Variants in STAG2 observed in about 807,000 individuals in gnomAD.
STAG2 encodes the protein STAG2 cohesin complex component.
In STAG2, 14 loss-of-function variants were observed where a neutral mutation model predicts 108.1. The ratio of observed to expected loss-of-function variants is 0.13; its 90% CI spans 0.09 to 0.20. The LOEUF is 0.20. Among genes scored for constraint, STAG2 ranks in the 10% least tolerant of loss-of-function variants. The pLI is 1.00. For synonymous variants in STAG2, 307 were observed against 302.7 expected (o/e 1.01, Z -0.15); for missense variants, 440 against 940.9 (o/e 0.47, Z 6.96).
At chrX:124,007,561 A>T (rs1173249074) in intron 1 of STAG2, among the ~76,000 whole-genome samples, 1 of 111,932 alleles carries the variant, frequency 8.9e-6, no homozygotes, top group Non-Finnish European at 1.9e-5. Context: ...TTCAAAAGTT[A>T]AAATTATATG....
At chrX:123,984,961 AAATAAATAAATTTAGTCTTAGTTGTG>A (rs2055095291) in intron 1 of STAG2, among the ~76,000 whole-genome samples, 1 of 111,770 alleles carries the variant, frequency 8.9e-6, no homozygotes. Flanking sequence ...AAATATTTAT[AAATAAATAAATTTAGTCTTAGTTGTG>A]AATATAACTG....
intron 21 of STAG2, 41 bp downstream of exon 21, chrX:124,065,987 G>C: frequency 2.8e-6 from 3 of 1,073,776 alleles, no homozygotes; most frequent in Non-Finnish European, 3.8e-6. Flanking sequence ...TAAATCTGTA[G>C]AAATAAACTT....
chrX:123,965,552 T>C (rs2054057209), intron 1 of STAG2, among the ~76,000 whole-genome samples: 1 of 111,873 alleles, frequency 8.9e-6, no homozygotes, highest in African/African-American at 3.3e-5. Flanking sequence ...AGTTTAGTAA[T>C]GCTTAATATT....
chrX:124,032,573 A>G (rs1263807084), intron 5 of STAG2, among the ~76,000 whole-genome samples: 2 of 110,647 alleles, frequency 1.8e-5, no homozygotes, highest in Non-Finnish European at 3.8e-5. Flanking sequence ...TCCAGTGGGT[A>G]GTTTTTCAGT....
chrX:123,969,250 G>A (rs999202134), intron 1 of STAG2, among the ~76,000 whole-genome samples: 1 of 110,830 alleles, frequency 9.0e-6, no homozygotes, highest in Non-Finnish European at 1.9e-5. Context: ...AATTTTTTGG[G>A]GGGGGAATCA....
intron 30 of STAG2, among the ~76,000 whole-genome samples, chrX:124,087,496 C>T (rs1227486313): frequency 8.9e-6 from 1 of 111,732 alleles, no homozygotes; most frequent in East Asian, 2.8e-4. Context: ...TGAAATCATA[C>T]GGAGGCATCT....
intron 17 of STAG2, among the ~76,000 whole-genome samples, 154 bp downstream of exon 17, chrX:124,062,028 G>A (rs754254849): frequency 1.4e-4 from 16 of 110,724 alleles, no homozygotes; most frequent in Non-Finnish European, 2.5e-4. Flanking sequence ...TAAAGCATTA[G>A]CAATTTGAGA....
chrX:124,076,752 G>T, intron 26 of STAG2, among the ~76,000 whole-genome samples: 1 of 109,784 alleles, frequency 9.1e-6, no homozygotes, highest in Non-Finnish European at 1.9e-5. Flanking sequence ...TAATAGGATG[G>T]CATTCCTCCT....
chrX:124,027,412 A>G (rs1380142912), intron 4 of STAG2, among the ~76,000 whole-genome samples: 3 of 112,320 alleles, frequency 2.7e-5, no homozygotes, highest in Admixed American at 1.9e-4. Context: ...CTATCCAAAG[A>G]TAACCTTAAT....
chrX:123,974,577 C>CT (rs778065126), intron 1 of STAG2, among the ~76,000 whole-genome samples: 1,499 of 85,162 alleles, frequency 0.018, 34 homozygotes, highest in African/African-American at 0.043. Flanking sequence ...TTGATACCTT[C>CT]TTTTTTTTTT....
intron 27 of STAG2, among the ~76,000 whole-genome samples, chrX:124,080,840 C>T (rs1361712993): frequency 2.7e-5 from 3 of 111,990 alleles, no homozygotes; most frequent in Non-Finnish European, 5.6e-5. Flanking sequence ...CACAATTTAA[C>T]CAAAGTCTCC....
intron 7 of STAG2, among the ~76,000 whole-genome samples, chrX:124,044,877 G>A (rs987031920): frequency 9.0e-6 from 1 of 111,482 alleles, no homozygotes; most frequent in African/African-American, 3.3e-5. Context: ...AGGATGTTTT[G>A]TTTTGATGAG....
chrX:123,982,472 A>G (rs2054922262), intron 1 of STAG2, among the ~76,000 whole-genome samples: 1 of 111,535 alleles, frequency 9.0e-6, no homozygotes, highest in Non-Finnish European at 1.9e-5. Context: ...CACCACTGCA[A>G]CCTCCACCTC....
chrX:123,974,702 T>C (rs929076552), intron 1 of STAG2, among the ~76,000 whole-genome samples: 15 of 107,214 alleles, frequency 1.4e-4, no homozygotes, highest in Non-Finnish European at 2.7e-4. Flanking sequence ...CTTCAGCCTC[T>C]TGAGTAGCTG....
upstream of STAG2, chrX:123,961,311 C>CG (rs1283162713): frequency 1.9e-5 from 2 of 105,710 alleles, no homozygotes; most frequent in East Asian, 3.1e-4. Flanking sequence ...CCCCCCCCCC[C>CG]ATGGGTGGCC....
At chrX:124,074,517 G>C (rs1204063855) in intron 25 of STAG2, among the ~76,000 whole-genome samples, 1 of 111,558 alleles carries the variant, frequency 9.0e-6, no homozygotes, top group Admixed American at 9.6e-5. Context: ...TGCTAAAGTG[G>C]TTGTATTGTT....
intron 1 of STAG2, among the ~76,000 whole-genome samples, chrX:123,990,751 T>G (rs956077397): frequency 2.7e-5 from 3 of 112,028 alleles, no homozygotes; most frequent in Non-Finnish European, 3.8e-5. Flanking sequence ...GGAGGCGTAG[T>G]GATTGAGGTT....
At chrX:124,056,851 T>C (rs934993862) in intron 14 of STAG2, among the ~76,000 whole-genome samples, 1 of 109,713 alleles carries the variant, frequency 9.1e-6, no homozygotes, top group African/African-American at 3.3e-5. Flanking sequence ...TTTACCCTTT[T>C]ATTACCTGCT....
intron 32 of STAG2, among the ~76,000 whole-genome samples, chrX:124,091,210 A>G (rs1857085828): frequency 8.9e-6 from 1 of 111,748 alleles, no homozygotes; most frequent in Non-Finnish European, 1.9e-5. Flanking sequence ...ATCCTTGTTT[A>G]TTTTGGTACA....
Sources: allele counts gnomAD v4.1 joint callset (sites outside exome capture counted in the v4.1 genomes callset), GRCh38; gene constraint gnomAD v4.1.1; transcripts MANE v1.5; gene names NCBI Gene and HGNC (gene_info 2026-07-23, HGNC 2026-07-21).